PTPRG: variants seen among roughly 807,000 people sequenced by gnomAD.
PTPRG encodes receptor-type tyrosine-protein phosphatase gamma.
PTPRG carries 102 observed loss-of-function variants against 165.3 expected under a neutral mutation model. The observed-to-expected ratio is 0.62, with a 90% CI of 0.53 to 0.73. The LOEUF (loss-of-function observed/expected upper bound fraction) is 0.73. Ranked by LOEUF, PTPRG falls within the 30% of genes least tolerant of loss-of-function variation. The pLI is 0.00. For synonymous variants in PTPRG, 675 were observed against 669.5 expected (o/e 1.01, Z -0.13); for missense variants, 1,866 against 1,861.4 (o/e 1.00, Z -0.05).
At chr3:61,731,027 T>C (rs2032469024) in intron 1 of PTPRG, among the ~76,000 whole-genome samples, 1 of 152,236 alleles carries the variant, frequency 6.6e-6, no homozygotes, top group Non-Finnish European at 1.5e-5. Flanking sequence ...TTGAACACTG[T>C]TCTACTCTTT....
chr3:61,727,007 A>G (rs2106815238), intron 1 of PTPRG, among the ~76,000 whole-genome samples: 1 of 151,374 alleles, frequency 6.6e-6, no homozygotes, highest in Non-Finnish European at 1.5e-5. Context: ...AGATTGTGCC[A>G]CTGCAGTCCA....
intron 2 of PTPRG, among the ~76,000 whole-genome samples, chr3:61,818,427 A>G (rs1019168690): frequency 2.0e-5 from 3 of 152,218 alleles, no homozygotes; most frequent in Non-Finnish European, 4.4e-5. Flanking sequence ...AAAGAATGCA[A>G]GAGCAAGTAG....
intron 2 of PTPRG, among the ~76,000 whole-genome samples, chr3:61,986,083 A>G (rs1011455489): frequency 2.0e-5 from 3 of 150,948 alleles, no homozygotes; most frequent in Non-Finnish European, 2.9e-5. Context: ...AAATATGACA[A>G]TGATCATATT....
chr3:61,958,943 A>T (rs544409737), intron 2 of PTPRG, among the ~76,000 whole-genome samples: 1 of 152,194 alleles, frequency 6.6e-6, no homozygotes, highest in Non-Finnish European at 1.5e-5. Context: ...CAGTACATCT[A>T]GCCAGGACTC....
intron 2 of PTPRG, among the ~76,000 whole-genome samples, chr3:61,984,939 T>C (rs180681686): frequency 1.3e-5 from 2 of 152,344 alleles, no homozygotes; most frequent in East Asian, 3.9e-4. Context: ...TTCCCCATGA[T>C]TATACCAGGG....
chr3:62,277,736 T>A (rs1228140723), intron 26 of PTPRG, 57 bp downstream of exon 26: 2 of 1,594,160 alleles, frequency 1.3e-6, no homozygotes, highest in African/African-American at 2.7e-5. Flanking sequence ...AAGCATAAAT[T>A]ACTTTGATAC....
At chr3:61,953,037 G>A (rs2039935828) in intron 2 of PTPRG, among the ~76,000 whole-genome samples, 1 of 152,138 alleles carries the variant, frequency 6.6e-6, no homozygotes, top group African/African-American at 2.4e-5. Flanking sequence ...TACATCCTAG[G>A]ATCCAGCAAT....
intron 2 of PTPRG, among the ~76,000 whole-genome samples, chr3:61,978,525 A>G (rs1006720307): frequency 3.3e-5 from 5 of 152,106 alleles, no homozygotes; most frequent in African/African-American, 1.2e-4. Context: ...TAAGTGGTGG[A>G]TATTTGCATT....
At chr3:62,162,976 T>C (rs1014102701) in intron 7 of PTPRG, among the ~76,000 whole-genome samples, 2 of 152,136 alleles carry the variant, frequency 1.3e-5, no homozygotes, top group Non-Finnish European at 2.9e-5. Flanking sequence ...GGAGGCATGA[T>C]TGGGAAGGCC....
intron 4 of PTPRG, among the ~76,000 whole-genome samples, chr3:62,054,421 C>T (rs1328462574): frequency 2.6e-5 from 4 of 152,120 alleles, no homozygotes; most frequent in African/African-American, 9.7e-5. Flanking sequence ...TCTATAGATC[C>T]ATTTGTAAGG....
intron 1 of PTPRG, among the ~76,000 whole-genome samples, chr3:61,647,863 C>T (rs1702247852): frequency 6.6e-6 from 1 of 150,614 alleles, no homozygotes; most frequent in African/African-American, 2.4e-5. Context: ...TTTCTGAAAC[C>T]ACTGAATGTT....
At chr3:61,806,770 C>T (rs918629597) in intron 2 of PTPRG, among the ~76,000 whole-genome samples, 1 of 152,092 alleles carries the variant, frequency 6.6e-6, no homozygotes, top group African/African-American at 2.4e-5. Flanking sequence ...TATTAGAAGC[C>T]TCATAAAACC....
chr3:62,001,881 A>G (rs1044480687), intron 3 of PTPRG, among the ~76,000 whole-genome samples: 3 of 152,198 alleles, frequency 2.0e-5, no homozygotes, highest in Admixed American at 6.5e-5. Flanking sequence ...GTAGAGACCA[A>G]TTGGCCTGCA....
At chr3:61,642,702 C>T (rs1702099185) in intron 1 of PTPRG, among the ~76,000 whole-genome samples, 1 of 152,186 alleles carries the variant, frequency 6.6e-6, no homozygotes, top group Non-Finnish European at 1.5e-5. Context: ...GGCTTCTGAT[C>T]ATGCTATATG....
chr3:61,715,421 G>A (rs1383376610), intron 1 of PTPRG, among the ~76,000 whole-genome samples: 8 of 152,048 alleles, frequency 5.3e-5, no homozygotes, highest in Non-Finnish European at 1.2e-4. Flanking sequence ...GTTTCGCCAT[G>A]TTGCCCAGGC....
At chr3:61,577,140 T>C (rs933704136) in intron 1 of PTPRG, among the ~76,000 whole-genome samples, 3 of 152,222 alleles carry the variant, frequency 2.0e-5, no homozygotes, top group Non-Finnish European at 4.4e-5. Flanking sequence ...GTAGCTTGTT[T>C]CTCAAAATTT....
chr3:62,024,836 A>G (rs1175229677), intron 4 of PTPRG, among the ~76,000 whole-genome samples: 2 of 152,234 alleles, frequency 1.3e-5, no homozygotes, highest in Non-Finnish European at 2.9e-5. Context: ...GTTTAGGGAC[A>G]TAAATAGGGC....
At chr3:61,743,165 T>C (rs3817458) in intron 1 of PTPRG, 139,282 of 907,664 alleles carry the variant, frequency 0.15, 11,032 homozygotes, top group East Asian at 0.21. Flanking sequence ...TTATCTTTTT[T>C]TGCTTCGGGC....
intron 2 of PTPRG, among the ~76,000 whole-genome samples, chr3:61,953,396 G>A (rs778190746): frequency 6.6e-6 from 1 of 152,256 alleles, no homozygotes. Flanking sequence ...GGTCAATTTC[G>A]CCATTATTGA....
Sources: gnomAD v4.1 joint callset for allele counts (sites outside exome capture counted in the v4.1 genomes callset) on GRCh38, gnomAD v4.1.1 for gene constraint, MANE v1.5 for transcripts, NCBI Gene and HGNC (gene_info 2026-07-23, HGNC 2026-07-21) for gene names.